SLC22A9: variants seen among roughly 807,000 people sequenced by gnomAD.
SLC22A9 encodes solute carrier family 22 member 9, also known as organic anion transporter 7.
In SLC22A9, 64 loss-of-function variants were observed where a neutral mutation model predicts 50.1. The observed-to-expected ratio is 1.28, with a 90% CI of 1.04 to 1.57. The LOEUF (loss-of-function observed/expected upper bound fraction) is 1.57, where lower values mean the gene tolerates loss of function less well. SLC22A9 is among the 40% of genes most tolerant of loss of function. SLC22A9 has a pLI of 0.00. For missense variants in SLC22A9, 757 were observed against 676.1 expected, an observed-to-expected ratio of 1.12 and a Z score of -1.33; for synonymous variants, 261 against 242.5, an observed-to-expected ratio of 1.08 and a Z score of -0.71.
At chr11:63,373,552 C>T (rs1268096465) in intron 2 of SLC22A9, 92 bp from the exon 3 acceptor site, 39 of 1,285,302 alleles carry the variant, frequency 3.0e-5, no homozygotes, top group Non-Finnish European at 3.8e-5. Context: ...ACTTGTTAAA[C>T]ATCTTTTAAG....
At chr11:63,399,087 A>G (rs2014909983) in intron 6 of SLC22A9, among the ~76,000 whole-genome samples, 1 of 152,256 alleles carries the variant, frequency 6.6e-6, no homozygotes, top group African/African-American at 2.4e-5. Flanking sequence ...GCAAGAAGTT[A>G]AAACATACTA....
chr11:63,370,981 C>T (rs375916900), intron 1 of SLC22A9, among the ~76,000 whole-genome samples, 154 bp from the exon 2 acceptor site: 17 of 152,072 alleles, frequency 1.1e-4, no homozygotes, highest in African/African-American at 3.4e-4. Context: ...TAAGTTGAGA[C>T]CTGAATAACA....
intron 6 of SLC22A9, among the ~76,000 whole-genome samples, chr11:63,382,566 GTGTT>G (rs2014585917): frequency 6.6e-6 from 1 of 152,066 alleles, no homozygotes; most frequent in Non-Finnish European, 1.5e-5. Flanking sequence ...GTTTCTTAAC[GTGTT>G]TGTTTCCAGT....
Position 63,409,849 on chromosome 11 carries a change from T to C in SLC22A9, c.1649T>C (p.Val550Ala), listed in dbSNP as rs2015108492. ...EPKQEDPRVEVTQF is the reference protein window; with the variant it reads ...EPKQEDPRVEATQF ...AAGCAAGAGGATCCGAGAGTGGAAG[T>C]GACGCAGTTTTAAGGAATTCCAGGA... The change falls in exon 10 of 10, where the codon GTG becomes GCG. Residue 550 changes from valine (V) to alanine (A), a missense_variant. By Grantham distance (64) the Val-to-Ala change is moderately conservative. Transcript: ENST00000279178. 6.2e-7 allele frequency: 1 copy of C among 1,613,492 alleles called. No individual in the cohort carries two copies. The highest frequency in any genetic ancestry group is 8.5e-7 in the Non-Finnish European group (1 of 1,179,730).
intron 6 of SLC22A9, among the ~76,000 whole-genome samples, chr11:63,401,365 T>C (rs533225723): frequency 4.0e-5 from 6 of 151,868 alleles, no homozygotes; most frequent in Admixed American, 1.3e-4. Context: ...TAAACAGCAA[T>C]CTGAAAAGGA....
At position 63,406,527 on chromosome 11, in the gene SLC22A9, TA is replaced by T; in HGVS notation, c.1106del (p.Asn369IlefsTer33). ...CAAACTTTATGGCCTATTTTGGCCTTAATCTCCATGTCCAGCATCTGGGGAA... is the reference window on the plus strand; with the variant it reads ...CAAACTTTATGGCCTATTTTGGCCTTATCTCCATGTCCAGCATCTGGGGAA... Reference protein sequence around the residue: ...FANFMAYFGLNLHVQHLGNNV... With the variant: ...FANFMAYFGLXLHVQHLGNNV... On this transcript the variant is annotated frameshift_variant, in exon 7 of 10. Coordinates refer to ENST00000279178, the MANE Select transcript of SLC22A9 (RefSeq NM_080866.3). LOFTEE classifies it high-confidence loss of function. 1 of 1,613,782 alleles carries T rather than the reference TA, an allele frequency of 6.2e-7. No homozygotes were observed. The highest frequency in any genetic ancestry group is 8.5e-7 in the Non-Finnish European group (1 of 1,179,762).
chr11:63,397,676 T>G (rs2014883540), intron 6 of SLC22A9, among the ~76,000 whole-genome samples: 1 of 152,064 alleles, frequency 6.6e-6, no homozygotes, highest in Admixed American at 6.6e-5. Context: ...ACGTTTATGG[T>G]AAGTACTACC....
chr11:63,383,983 A>G (rs2014613923), intron 6 of SLC22A9, among the ~76,000 whole-genome samples: 1 of 151,546 alleles, frequency 6.6e-6, no homozygotes, highest in Non-Finnish European at 1.5e-5. Context: ...CGGGAGGTGG[A>G]GATTGCAGTG....
In SLC22A9 at chr11:63,374,080, C is replaced by A; in HGVS notation, c.830+18C>A. On this transcript the variant is annotated intron_variant, in intron 4 of 9. Coordinates refer to ENST00000279178, the MANE Select transcript of SLC22A9 (RefSeq NM_080866.3). Reference sequence around the variant, plus strand: ...ACCTCAAGGTATGAGTTTGTTTCTTCTTTTGTCTTAATGAGATATTGGAAT... The same window carrying A: ...ACCTCAAGGTATGAGTTTGTTTCTTATTTTGTCTTAATGAGATATTGGAAT... The A allele has an allele frequency of 6.3e-7, 1 of 1,591,272 alleles. No homozygotes were observed. The highest frequency in any genetic ancestry group is 1.1e-5 in the South Asian group (1 of 87,058).
chr11:63,401,060 A>C (rs1313575018), intron 6 of SLC22A9, among the ~76,000 whole-genome samples: 1 of 152,158 alleles, frequency 6.6e-6, no homozygotes, highest in East Asian at 1.9e-4. Context: ...GAATGGGGAA[A>C]AAAATGAAAG....
chr11:63,371,391 T>C (rs756684523), intron 2 of SLC22A9, among the ~76,000 whole-genome samples, 153 bp downstream of exon 2: 1 of 152,170 alleles, frequency 6.6e-6, no homozygotes, highest in African/African-American at 2.4e-5. Flanking sequence ...GTGTTTTGAG[T>C]GCTATTTTTA....
At chr11:63,371,748 T>G (rs117365062) in intron 2 of SLC22A9, among the ~76,000 whole-genome samples, 1,637 of 152,282 alleles carry the variant, frequency 0.011, 14 homozygotes, top group Non-Finnish European at 0.019. Context: ...GAAACTTGAT[T>G]ATTGTCTTTG....
At chr11:63,382,018 T>TCATTG in intron 5 of SLC22A9, 141 bp from the exon 6 acceptor site, 2 of 625,134 alleles carry the variant, frequency 3.2e-6, no homozygotes, top group Non-Finnish European at 5.7e-6. Context: ...TTTACACATA[T>TCATTG]CATTGCATTT....
At chr11:63,407,038 G>A (rs777576102) in intron 7 of SLC22A9, among the ~76,000 whole-genome samples, 1 of 152,136 alleles carries the variant, frequency 6.6e-6, no homozygotes, top group African/African-American at 2.4e-5. Context: ...GAGTATTGAG[G>A]TATAGGCCTT....
chr11:63,409,059 C>A (rs899778403), intron 9 of SLC22A9, among the ~76,000 whole-genome samples, 180 bp downstream of exon 9: 2 of 152,142 alleles, frequency 1.3e-5, no homozygotes, highest in Non-Finnish European at 2.9e-5. Flanking sequence ...ACCTCAGACA[C>A]CCTCTGAGGC....
At chr11:63,403,254 T>A (rs1486782456) in intron 6 of SLC22A9, among the ~76,000 whole-genome samples, 1 of 152,098 alleles carries the variant, frequency 6.6e-6, no homozygotes, top group African/African-American at 2.4e-5. Flanking sequence ...GAGAATGTCC[T>A]CCATAAGACG....
In SLC22A9 at chr11:63,371,223, G is replaced by C; in HGVS notation, c.491G>C (p.Gly164Ala). Reference sequence around the variant, plus strand: ...ATGATGGTGGGAGGCATCCTAGGCGGTCATTTATCAGACAGGTGAGTGTGT... The same window carrying C: ...ATGATGGTGGGAGGCATCCTAGGCGCTCATTTATCAGACAGGTGAGTGTGT... ...AGMMVGGILG[G>A]HLSDRFGRRF... Residue 164 changes from glycine to alanine, a missense_variant, in exon 2 of 10, where the codon GGT becomes GCT. Physicochemically the swap from Gly to Ala is moderately conservative, Grantham distance 60 (BLOSUM62 0). Transcript: ENST00000279178. 1 of 1,612,714 alleles carries C rather than the reference G, an allele frequency of 6.2e-7. No individual in the cohort carries two copies. Among genetic ancestry groups the C allele is most frequent in the Middle Eastern group, 1.7e-4 (1 of 6,048 alleles).
rs550839780 is a variant in SLC22A9 at position 63,390,125 on chromosome 11, T to G, written c.1073+7848T>G. Among the ~76,000 whole-genome samples the G allele has an allele frequency of 2.0e-5, 3 of 152,340 alleles. No individual in the cohort carries two copies. The South Asian group carries it at 6.2e-4, about 32-fold the overall frequency. On this transcript the variant is annotated intron_variant, in intron 6 of 9. Transcript: ENST00000279178. ...AAAAATTTTCTCCCATTCTGTAGAT[T>G]GACTGTTCACTCTGATGATAGTTTC...
intron 5 of SLC22A9, 139 bp from the exon 6 acceptor site, chr11:63,382,020 A>G (rs1486078329): frequency 6.4e-6 from 4 of 627,632 alleles, no homozygotes; most frequent in South Asian, 2.2e-5. Context: ...TACACATATC[A>G]TTGCATTTTA....
Sources: allele counts gnomAD v4.1 joint callset (sites outside exome capture counted in the v4.1 genomes callset), GRCh38; gene constraint gnomAD v4.1.1; transcripts MANE v1.5; gene names NCBI Gene and HGNC (gene_info 2026-07-23, HGNC 2026-07-21).